The following RARB variants were observed in gnomAD, a reference collection of about 807,000 sequenced individuals.
RARB encodes the protein retinoic acid receptor beta.
Under a neutral mutation model 51.9 loss-of-function variants are expected in RARB, and 17 were observed. The observed-to-expected ratio is 0.33, with a 90% CI of 0.22 to 0.49. The LOEUF (loss-of-function observed/expected upper bound fraction) is 0.49. RARB is among the 20% of genes least tolerant of loss of function. RARB has a pLI of 0.99. For synonymous variants in RARB, 215 were observed against 195.4 expected, an observed-to-expected ratio of 1.10 and a Z score of -0.84; for missense variants, 369 against 550.8, an observed-to-expected ratio of 0.67 and a Z score of 3.30.
intron 1 of RARB, among the ~76,000 whole-genome samples, chr3:25,454,380 C>G (rs1365168247): frequency 7.2e-5 from 11 of 152,222 alleles, no homozygotes; most frequent in Admixed American, 7.2e-4. Context: ...ACATTTTGAC[C>G]AAACGCAACT....
At chr3:25,219,061 T>C (rs1701891217) in intron 5 of RARB, among the ~76,000 whole-genome samples, 1 of 152,198 alleles carries the variant, frequency 6.6e-6, no homozygotes, top group Non-Finnish European at 1.5e-5. Context: ...CATTCAACTA[T>C]AAGTATTTAT....
chr3:25,105,081 G>T (rs952294979), intron 3 of RARB, among the ~76,000 whole-genome samples: 2 of 152,086 alleles, frequency 1.3e-5, no homozygotes, highest in Admixed American at 1.3e-4. Context: ...AAAAATTCTT[G>T]ATTTAGAAAA....
chr3:25,401,361 T>C (rs1228163653), intron 5 of RARB, among the ~76,000 whole-genome samples: 1 of 152,156 alleles, frequency 6.6e-6, no homozygotes, highest in East Asian at 1.9e-4. Flanking sequence ...GCCCTTATAA[T>C]TTTTTTCATC....
intron 2 of RARB, among the ~76,000 whole-genome samples, chr3:25,000,065 C>T (rs1697127514): frequency 1.3e-5 from 2 of 152,050 alleles, no homozygotes; most frequent in South Asian, 4.2e-4. Flanking sequence ...CAACAGAGCT[C>T]CGGCTTCAAT....
chr3:24,859,058 GA>G (rs11333927), intron 2 of RARB, among the ~76,000 whole-genome samples: 67,420 of 120,358 alleles, frequency 0.56, 18,635 homozygotes, highest in East Asian at 0.89. Flanking sequence ...AAAAAAAAAA[GA>G]AAAAAAAAAA....
chr3:24,955,088 C>T (rs757561390), intron 2 of RARB, among the ~76,000 whole-genome samples: 5 of 152,058 alleles, frequency 3.3e-5, no homozygotes, highest in South Asian at 4.1e-4. Flanking sequence ...CAAATTGGGT[C>T]GCATGAAGGG....
chr3:24,991,439 GT>G (rs1275204650), intron 2 of RARB, among the ~76,000 whole-genome samples: 2 of 116,138 alleles, frequency 1.7e-5, no homozygotes, highest in Non-Finnish European at 3.8e-5. Flanking sequence ...GCAAAACTCT[GT>G]CTCAAAAAAA....
chr3:25,294,993 T>C (rs1423633736), intron 5 of RARB, among the ~76,000 whole-genome samples: 4 of 152,170 alleles, frequency 2.6e-5, no homozygotes, highest in Non-Finnish European at 4.4e-5. Context: ...ATGGAAAAAG[T>C]ATTTCTGCTT....
chr3:25,034,988 G>A (rs536229430), intron 2 of RARB, among the ~76,000 whole-genome samples: 10 of 152,310 alleles, frequency 6.6e-5, no homozygotes, highest in African/African-American at 2.4e-4. Flanking sequence ...GGCTGCACAT[G>A]CCTTGCCATT....
At chr3:25,364,979 C>T (rs1459757734) in intron 5 of RARB, among the ~76,000 whole-genome samples, 1 of 152,058 alleles carries the variant, frequency 6.6e-6, no homozygotes, top group Non-Finnish European at 1.5e-5. Context: ...AATCTGATTA[C>T]TATTAGTATC....
chr3:24,867,894 A>G (rs1358779521), intron 2 of RARB, among the ~76,000 whole-genome samples: 1 of 152,162 alleles, frequency 6.6e-6, no homozygotes, highest in Non-Finnish European at 1.5e-5. Context: ...GTTCAAGTCA[A>G]CCATAGGCAG....
chr3:25,582,038 AC>A, intron 5 of RARB, among the ~76,000 whole-genome samples: 1 of 152,180 alleles, frequency 6.6e-6, no homozygotes, highest in East Asian at 1.9e-4. Context: ...GTACTGGGCT[AC>A]CTCCAGGCCT....
At chr3:25,195,054 C>T (rs1701198233) in intron 5 of RARB, among the ~76,000 whole-genome samples, 1 of 151,990 alleles carries the variant, frequency 6.6e-6, no homozygotes, top group African/African-American at 2.4e-5. Flanking sequence ...TCAAATGTGT[C>T]TCTAAAAGTG....
intron 2 of RARB, among the ~76,000 whole-genome samples, chr3:24,997,676 C>T (rs1697071132): frequency 6.6e-6 from 1 of 152,064 alleles, no homozygotes; most frequent in African/African-American, 2.4e-5. Context: ...TGAGCCACTG[C>T]GCCCGACCTG....
chr3:25,475,289 G>T (rs947745562), intron 2 of RARB, among the ~76,000 whole-genome samples: 10 of 151,814 alleles, frequency 6.6e-5, no homozygotes, highest in African/African-American at 2.4e-4. Context: ...TCTCCACTAC[G>T]TACACTATCA....
chr3:25,441,945 A>G (rs1708704773), intron 1 of RARB, among the ~76,000 whole-genome samples: 1 of 152,116 alleles, frequency 6.6e-6, no homozygotes, highest in African/African-American at 2.4e-5. Context: ...ACCCTTTAAT[A>G]TACTCGATAT....
chr3:25,191,926 C>T (rs533168856), intron 5 of RARB, among the ~76,000 whole-genome samples: 3 of 152,090 alleles, frequency 2.0e-5, no homozygotes, highest in African/African-American at 4.8e-5. Context: ...AGCAGGCAGA[C>T]GAGGCGGGGG....
At chr3:24,953,693 C>G (rs988550998) in intron 2 of RARB, among the ~76,000 whole-genome samples, 2 of 152,182 alleles carry the variant, frequency 1.3e-5, no homozygotes, top group Non-Finnish European at 2.9e-5. Flanking sequence ...TAGGAAATTA[C>G]AGATTTTTTT....
intron 5 of RARB, among the ~76,000 whole-genome samples, chr3:25,384,547 C>G (rs577019833): frequency 5.9e-5 from 9 of 152,302 alleles, no homozygotes; most frequent in African/African-American, 1.7e-4. Context: ...GTTCCTCAGC[C>G]CTTTTTTTCT....
Sources: gnomAD v4.1 joint callset for allele counts (sites outside exome capture counted in the v4.1 genomes callset) on GRCh38, gnomAD v4.1.1 for gene constraint, MANE v1.5 for transcripts, NCBI Gene and HGNC (gene_info 2026-07-23, HGNC 2026-07-21) for gene names.